MCTP1: variants seen among roughly 807,000 people sequenced by gnomAD.
MCTP1 encodes the protein multiple C2 and transmembrane domain-containing protein 1.
In MCTP1, 69 loss-of-function variants were observed where a neutral mutation model predicts 120.6. The ratio of observed to expected loss-of-function variants is 0.57; its 90% confidence interval spans 0.47 to 0.70. The LOEUF (loss-of-function observed/expected upper bound fraction) is 0.70. MCTP1 is among the 30% of genes least tolerant of loss of function. MCTP1 has a pLI of 0.00. For synonymous variants in MCTP1, 529 were observed against 493.1 expected, an observed-to-expected ratio of 1.07 and a Z score of -0.96; for missense variants, 1,203 against 1,248.8, an observed-to-expected ratio of 0.96 and a Z score of 0.55.
chr5:95,206,666 C>A (rs1751654983), intron 1 of MCTP1, among the ~76,000 whole-genome samples: 2 of 152,158 alleles, frequency 1.3e-5, no homozygotes, highest in South Asian at 4.1e-4. Flanking sequence ...TCCTGAGTAG[C>A]TGGGACTTCA....
At chr5:94,926,599 C>T (rs293051) in intron 6 of MCTP1, among the ~76,000 whole-genome samples, 35,945 of 151,970 alleles carry the variant, frequency 0.24, 4,586 homozygotes, top group East Asian at 0.52. Flanking sequence ...ATTTAGGGTC[C>T]CTTAAGACCA....
intron 1 of MCTP1, among the ~76,000 whole-genome samples, chr5:95,277,286 AG>A (rs1394636052): frequency 1.3e-5 from 2 of 152,150 alleles, no homozygotes; most frequent in African/African-American, 2.4e-5. Flanking sequence ...GCCACTTAGT[AG>A]GTACCACATC....
chr5:94,973,272 G>A lies in MCTP1; in HGVS notation c.839-19911C>T, dbSNP rs111490700. 3.7e-3 allele frequency among the ~76,000 whole-genome samples: 568 copies of A among 152,194 alleles called. 6 individuals carry two copies. The highest frequency in any genetic ancestry group is 0.013 in the African/African-American group (527 of 41,536). ...CATTACACTGTGATGCCTAACCATCGTCATCTTTTCCGATCAACCGACTTG... is the reference window on the plus strand; with the variant it reads ...CATTACACTGTGATGCCTAACCATCATCATCTTTTCCGATCAACCGACTTG... On this transcript the variant is annotated intron_variant, in intron 2 of 22. Transcript: ENST00000515393.
chr5:95,094,864 T>C (rs1224438661), intron 1 of MCTP1, among the ~76,000 whole-genome samples: 1 of 152,068 alleles, frequency 6.6e-6, no homozygotes, highest in Non-Finnish European at 1.5e-5. Context: ...TTTCTGAATA[T>C]TCCTTTATTC....
rs57246943 is a variant in MCTP1 at position 94,764,828 on chromosome 5, CAAA to C, written c.2610+14279_2610+14281del. Reference sequence around the variant, plus strand: ...TCAGCACTGGATAGATGACCTGGACCAAAAAAAAAAAAAAAAAAAAAAAATCAA... The same window carrying C: ...TCAGCACTGGATAGATGACCTGGACCAAAAAAAAAAAAAAAAAAAAATCAA... On this transcript the variant is annotated intron_variant, in intron 19 of 22. Transcript: ENST00000515393. Among the ~76,000 whole-genome samples, 418 of 90,974 alleles carry C rather than the reference CAAA, an allele frequency of 4.6e-3. 2 individuals carry two copies. The highest frequency in any genetic ancestry group is 0.016 in the African/African-American group (403 of 25,204). 59.7% of individuals were successfully genotyped at this position (90,974 alleles called of 152,430 possible).
chr5:94,977,252 T>A (rs540795028), intron 2 of MCTP1, among the ~76,000 whole-genome samples: 2 of 151,984 alleles, frequency 1.3e-5, no homozygotes, highest in African/African-American at 2.4e-5. Flanking sequence ...TACTTAGAAA[T>A]AAGCTCAACT....
At chr5:95,246,213 C>T (rs898832028) in intron 1 of MCTP1, among the ~76,000 whole-genome samples, 2 of 152,174 alleles carry the variant, frequency 1.3e-5, no homozygotes, top group Non-Finnish European at 2.9e-5. Context: ...GTACCAGCCA[C>T]TGCAAAAACA....
rs1334574327 is a variant in MCTP1 at position 94,997,809 on chromosome 5, AT to A, written c.838+19557del. On this transcript the variant is annotated intron_variant, in intron 2 of 22. Transcript: ENST00000515393. ...GTGTTTACCAGATAAACACATTCAAATTACAAGGGTAAAATCAATGCAGTAA... is the reference window on the plus strand; with the variant it reads ...GTGTTTACCAGATAAACACATTCAAATACAAGGGTAAAATCAATGCAGTAA... Among the ~76,000 whole-genome samples, 8 of 152,182 alleles carry A rather than the reference AT, an allele frequency of 5.3e-5. No individual in the cohort carries two copies. The East Asian group carries it at 1.5e-3, about 29-fold the overall frequency.
chr5:95,018,380 G>A (rs1264088822), intron 1 of MCTP1, among the ~76,000 whole-genome samples: 1 of 151,624 alleles, frequency 6.6e-6, no homozygotes, highest in Non-Finnish European at 1.5e-5. Context: ...GCATGGATGA[G>A]GTAAAATAAC....
chr5:95,031,789 T>C (rs534676084), intron 1 of MCTP1, among the ~76,000 whole-genome samples: 4 of 152,184 alleles, frequency 2.6e-5, no homozygotes, highest in Non-Finnish European at 4.4e-5. Context: ...TAAAAAGACA[T>C]AGAGTGGCAA....
chr5:95,207,420 A>G (rs1203267570), intron 1 of MCTP1, among the ~76,000 whole-genome samples: 1 of 152,194 alleles, frequency 6.6e-6, no homozygotes, highest in Non-Finnish European at 1.5e-5. Context: ...ACCCCAATCT[A>G]GTGAAAATCA....
At chr5:95,103,096 CTGT>C (rs1394235246) in intron 1 of MCTP1, among the ~76,000 whole-genome samples, 2 of 151,734 alleles carry the variant, frequency 1.3e-5, no homozygotes, top group African/African-American at 2.4e-5. Flanking sequence ...TTAACAAAGA[CTGT>C]TATTATTGTT....
chr5:94,940,001 C>G, intron 5 of MCTP1, 83 bp downstream of exon 5: 1 of 721,472 alleles, frequency 1.4e-6, no homozygotes, highest in Non-Finnish European at 2.3e-6. Flanking sequence ...GGCAGCTTCT[C>G]TTTATTATCA....
In MCTP1 at chr5:94,966,783, A is replaced by T. The variant is rs531949428; in HGVS notation, c.839-13422T>A. Among the ~76,000 whole-genome samples, 20 of 151,666 alleles carry T rather than the reference A, an allele frequency of 1.3e-4. No homozygotes were observed. The South Asian group carries it at 2.3e-3, about 17-fold the overall frequency. On this transcript the variant is annotated intron_variant, in intron 2 of 22. Coordinates refer to ENST00000515393, the MANE Select transcript of MCTP1 (RefSeq NM_024717.7). ...GCGCTCCAGCCTGGGCGACAAAGCG[A>T]GACTCTGTCTCGAAAAAAAAAAAAC...
chr5:95,155,494 C>T (rs1745014634), intron 1 of MCTP1, among the ~76,000 whole-genome samples: 2 of 151,982 alleles, frequency 1.3e-5, no homozygotes, highest in East Asian at 1.9e-4. Context: ...AAAAAAGAAA[C>T]CCTAAGGTGG....
chr5:94,862,308 G>C (rs1414401736), intron 17 of MCTP1, among the ~76,000 whole-genome samples: 2 of 151,570 alleles, frequency 1.3e-5, no homozygotes, highest in Non-Finnish European at 3.0e-5. Context: ...GGAGAAATAC[G>C]CCTTTCAGAG....
intron 1 of MCTP1, among the ~76,000 whole-genome samples, chr5:95,207,474 G>A (rs1751757142): frequency 2.0e-5 from 3 of 152,122 alleles, no homozygotes; most frequent in Non-Finnish European, 4.4e-5. Context: ...TCTTCAAAAT[G>A]CTTTTTAAAT....
intron 19 of MCTP1, among the ~76,000 whole-genome samples, chr5:94,757,204 ACT>A (rs1414511561): frequency 6.6e-6 from 1 of 152,150 alleles, no homozygotes. Context: ...ACTGAGTATT[ACT>A]CTGTGTTCTG....
At chr5:95,212,635 T>C (rs1373500264) in intron 1 of MCTP1, among the ~76,000 whole-genome samples, 6 of 149,888 alleles carry the variant, frequency 4.0e-5, no homozygotes, top group Non-Finnish European at 5.9e-5. Flanking sequence ...GCAAACCGAA[T>C]CCAGCAGCAC....
Sources: gnomAD v4.1 joint callset for allele counts (sites outside exome capture counted in the v4.1 genomes callset) on GRCh38, gnomAD v4.1.1 for gene constraint, MANE v1.5 for transcripts, NCBI Gene and HGNC (gene_info 2026-07-23, HGNC 2026-07-21) for gene names.